The following KAZN variants were observed in gnomAD, a reference collection of about 807,000 sequenced individuals.
The protein encoded by KAZN is kazrin.
Under a neutral mutation model 87.4 loss-of-function variants are expected in KAZN, and 40 were observed. The ratio of observed to expected loss-of-function variants is 0.46; its 90% CI spans 0.36 to 0.60. The LOEUF (loss-of-function observed/expected upper bound fraction) is 0.60, where lower values mean the gene tolerates loss of function less well. Ranked by LOEUF, KAZN falls within the 20% of genes least tolerant of loss-of-function variation. The pLI is 0.00. For synonymous variants in KAZN, 466 were observed against 458.3 expected (o/e 1.02, Z -0.22); for missense variants, 898 against 1,073.9 (o/e 0.84, Z 2.29).
At position 15,056,260 on chromosome 1, in the gene KAZN, C is replaced by A; in HGVS notation, c.896C>A (p.Pro299His). ...SQQTLYHSHP[P>H]HPADRQAVRV... ...CAGACTCTCTACCACTCACACCCCC[C>A]TCACCCTGCGGACCGGCAAGGTGAG... Residue 299 changes from proline to histidine, a missense_variant, in exon 5 of 15, where the codon CCT (proline) becomes CAT (histidine). Physicochemically the swap from Pro to His is moderately conservative, Grantham distance 77. Transcript: ENST00000376030. The surrounding 1 kb of genome is among the most constrained non-coding windows in gnomAD (Gnocchi z 5.4). 1 of 1,608,872 alleles carries A rather than the reference C, an allele frequency of 6.2e-7. No individual in the cohort carries two copies. The highest frequency in any genetic ancestry group is 1.7e-4 in the Middle Eastern group (1 of 6,044).
At chr1:14,786,971 G>A (rs1035265021) in intron 1 of KAZN, among the ~76,000 whole-genome samples, 2 of 152,212 alleles carry the variant, frequency 1.3e-5, no homozygotes, top group African/African-American at 4.8e-5. Context: ...TTTGAATCAT[G>A]TTTTCTGCTT....
At chr1:14,572,042 C>T (rs1157263528) in intron 2 of KAZN, among the ~76,000 whole-genome samples, 2 of 152,174 alleles carry the variant, frequency 1.3e-5, no homozygotes, top group African/African-American at 2.4e-5. Context: ...GGAAGGCTGC[C>T]CCCTGCAGCT....
intron 1 of KAZN, among the ~76,000 whole-genome samples, chr1:14,095,822 T>C (rs1644114762): frequency 6.6e-6 from 1 of 152,042 alleles, no homozygotes; most frequent in South Asian, 2.1e-4. Context: ...GCCTTGAAAA[T>C]CATGTTACTT....
rs567812226 is a variant in KAZN, at chr1:14,294,884, C to G, written c.249+114292C>G. Among the ~76,000 whole-genome samples the G allele has an allele frequency of 2.6e-5, 4 of 151,574 alleles. No individual in the cohort carries two copies. The East Asian group carries it at 7.8e-4, about 30-fold the overall frequency. On this transcript the variant is annotated intron_variant, in intron 2 of 16. Transcript: ENST00000636203. ...GCCCTCAGGAATCATAACTCCTTGG[C>G]CAAGCTCATTCAGATCTTTTTTTTT... is the stretch of plus-strand genomic sequence containing the variant.
intron 1 of KAZN, among the ~76,000 whole-genome samples, chr1:13,988,575 G>T (rs1639131843): frequency 6.6e-6 from 1 of 152,096 alleles, no homozygotes; most frequent in East Asian, 1.9e-4. Context: ...TCCAAAAGTG[G>T]TGAACATTAT....
At chr1:14,679,553 A>G (rs943723131) in intron 1 of KAZN, among the ~76,000 whole-genome samples, 1 of 152,088 alleles carries the variant, frequency 6.6e-6, no homozygotes, top group Non-Finnish European at 1.5e-5. Context: ...GTCTCTAGGA[A>G]CTAACACTCC....
intron 2 of KAZN, among the ~76,000 whole-genome samples, chr1:14,410,784 G>A (rs1349563641): frequency 6.6e-6 from 1 of 152,186 alleles, no homozygotes; most frequent in Non-Finnish European, 1.5e-5. Flanking sequence ...TGAGAGTGGT[G>A]TGGCCAATAA....
intron 8 of KAZN, among the ~76,000 whole-genome samples, chr1:15,076,128 C>T (rs997501870): frequency 2.6e-5 from 4 of 152,192 alleles, no homozygotes; most frequent in Non-Finnish European, 4.4e-5. Context: ...ACAGCTGTCA[C>T]TGTGGGCACC....
At chr1:14,753,488 A>G (rs1397459186) in intron 1 of KAZN, among the ~76,000 whole-genome samples, 1 of 152,136 alleles carries the variant, frequency 6.6e-6, no homozygotes, top group Non-Finnish European at 1.5e-5. Context: ...ACACTTTGGG[A>G]GGCTGAGGCT....
intron 2 of KAZN, among the ~76,000 whole-genome samples, chr1:14,368,512 C>G (rs980054834): frequency 6.6e-6 from 1 of 152,222 alleles, no homozygotes; most frequent in African/African-American, 2.4e-5. Flanking sequence ...TCACAATTTA[C>G]ACATAACTGA....
At chr1:14,438,802 T>C (rs1447456860) in intron 2 of KAZN, among the ~76,000 whole-genome samples, 1 of 152,242 alleles carries the variant, frequency 6.6e-6, no homozygotes, top group East Asian at 1.9e-4. Context: ...ACGATGAGCT[T>C]CCTAAAAGTC....
intron 1 of KAZN, among the ~76,000 whole-genome samples, chr1:14,127,094 C>T (rs1310341080): frequency 8.4e-6 from 1 of 118,712 alleles, no homozygotes; most frequent in Non-Finnish European, 1.7e-5. Context: ...TGACAGAATG[C>T]GACTCCATCT....
chr1:14,311,534 T>C (rs905650286), intron 2 of KAZN, among the ~76,000 whole-genome samples: 1 of 152,098 alleles, frequency 6.6e-6, no homozygotes, highest in Non-Finnish European at 1.5e-5. Flanking sequence ...CAGGACGGCA[T>C]CGTGGAGACC....
At chr1:14,556,458 G>T (rs918599042) in intron 2 of KAZN, among the ~76,000 whole-genome samples, 3 of 152,102 alleles carry the variant, frequency 2.0e-5, no homozygotes, top group Non-Finnish European at 4.4e-5. Context: ...ATAAGCACAT[G>T]AAAATTAAAT....
chr1:14,362,777 A>G (rs868179613), intron 2 of KAZN, among the ~76,000 whole-genome samples: 3 of 152,362 alleles, frequency 2.0e-5, no homozygotes, highest in South Asian at 4.1e-4. Context: ...ACAGCAAGAA[A>G]ATAGCAAATC....
intron 3 of KAZN, among the ~76,000 whole-genome samples, chr1:15,035,733 A>G (rs987234979): frequency 6.6e-6 from 1 of 152,142 alleles, no homozygotes; most frequent in African/African-American, 2.4e-5. Flanking sequence ...CCAGCTACTC[A>G]GGAGGCTGAG....
chr1:14,961,164 C>T (rs765569332), intron 2 of KAZN, among the ~76,000 whole-genome samples: 11 of 152,308 alleles, frequency 7.2e-5, no homozygotes, highest in Middle Eastern at 3.4e-3. Context: ...TGGACCAGGA[C>T]GCTGACCCAG....
chr1:14,653,404 C>T (rs532905534), intron 1 of KAZN, among the ~76,000 whole-genome samples: 8 of 152,264 alleles, frequency 5.3e-5, no homozygotes, highest in South Asian at 2.1e-4. Flanking sequence ...TGTTGGGGCC[C>T]GTGGGAGACA....
chr1:14,235,395 G>A (rs986016460), intron 2 of KAZN, among the ~76,000 whole-genome samples: 1 of 152,172 alleles, frequency 6.6e-6, no homozygotes, highest in Non-Finnish European at 1.5e-5. Flanking sequence ...TCATTTATGC[G>A]AATGGTCTAG....
Sources: gnomAD v4.1 joint callset for allele counts (sites outside exome capture counted in the v4.1 genomes callset) on GRCh38, gnomAD v4.1.1 for gene constraint, Gnocchi (gnomAD v3.1) non-coding constraint, MANE v1.5 for transcripts, NCBI Gene and HGNC (gene_info 2026-07-23, HGNC 2026-07-21) for gene names.